The following RABGAP1 variants were observed in gnomAD, a reference collection of about 807,000 sequenced individuals.
RABGAP1 encodes RAB GTPase activating protein 1.
RABGAP1 carries 23 observed loss-of-function variants against 137.6 expected under a neutral mutation model. The observed-to-expected ratio is 0.17, with a 90% CI of 0.12 to 0.24. RABGAP1 has a LOEUF of 0.24. RABGAP1 is among the 10% of genes least tolerant of loss of function. The pLI is 1.00. For synonymous variants in RABGAP1, 451 were observed against 450.7 expected (o/e 1.00, Z -0.01); for missense variants, 906 against 1,275.8 (o/e 0.71, Z 4.42).
At chr9:122,935,430 C>T in the RABGAP1 span, among the ~76,000 whole-genome samples, 84 of 152,116 alleles carry the variant, frequency 5.5e-4, no homozygotes, top group African/African-American at 1.7e-3. Context: ...CTCTGCCTCC[C>T]GGGTTCAATT....
At chr9:123,080,381 G>A (rs1298787457) in intron 19 of RABGAP1, among the ~76,000 whole-genome samples, 4 of 152,120 alleles carry the variant, frequency 2.6e-5, no homozygotes, top group Admixed American at 6.5e-5. Flanking sequence ...TCTTGAAATC[G>A]GCTCATAGCC....
intron 2 of RABGAP1, among the ~76,000 whole-genome samples, chr9:122,982,071 T>C (rs1415858178): frequency 6.6e-6 from 1 of 151,574 alleles, no homozygotes; most frequent in Non-Finnish European, 1.5e-5. Flanking sequence ...AAAAAGTATG[T>C]GTACTATACT....
At chr9:123,098,024 A>C (rs1470943153) in intron 22 of RABGAP1, among the ~76,000 whole-genome samples, 179 bp downstream of exon 22, 1 of 152,074 alleles carries the variant, frequency 6.6e-6, no homozygotes, top group Non-Finnish European at 1.5e-5. Flanking sequence ...GTCTAGGAGG[A>C]GACAGTGGGT....
intron 2 of RABGAP1, among the ~76,000 whole-genome samples, chr9:122,977,961 G>T (rs1404819518): frequency 6.6e-6 from 1 of 152,178 alleles, no homozygotes; most frequent in African/African-American, 2.4e-5. Flanking sequence ...AGGAACAGTT[G>T]TGTTCTCAAA....
chr9:123,016,227 A>G (rs749139066), intron 12 of RABGAP1, among the ~76,000 whole-genome samples: 1 of 152,152 alleles, frequency 6.6e-6, no homozygotes, highest in East Asian at 1.9e-4. Flanking sequence ...TGCCTTCAGG[A>G]TGGGTGTAGT....
rs1258539611 is a variant in RABGAP1 at position 122,986,195 on chromosome 9, T to G, written c.386-20T>G. 7.5e-6 allele frequency: 12 copies of G among 1,602,218 alleles called. No homozygotes were observed. Among genetic ancestry groups the G allele is most frequent in the Non-Finnish European group, 1.0e-5 (12 of 1,170,230 alleles). ...TATCAAAGTGAAAGTAATCACTTCC[T>G]TATTCATTGTTTCTTTCAGATTCTG... On this transcript the variant is annotated intron_variant, in intron 3 of 25. Transcript: ENST00000373647.
At chr9:123,059,547 T>G (rs540028851) in intron 13 of RABGAP1, among the ~76,000 whole-genome samples, 2 of 151,962 alleles carry the variant, frequency 1.3e-5, no homozygotes, top group Admixed American at 1.3e-4. Context: ...AGAGCGATAC[T>G]CCGTCTCAAA....
intron 13 of RABGAP1, among the ~76,000 whole-genome samples, chr9:123,025,415 C>T (rs1020634541): frequency 4.6e-5 from 7 of 152,250 alleles, no homozygotes; most frequent in Middle Eastern, 3.4e-3. Context: ...ATCTCACTAC[C>T]ACCATCACCC....
intron 2 of RABGAP1, among the ~76,000 whole-genome samples, chr9:122,978,381 C>A (rs1835874996): frequency 6.6e-6 from 1 of 152,128 alleles, no homozygotes. Flanking sequence ...AGTAGTATTC[C>A]ATTTTATAGA....
At position 123,035,326 on chromosome 9, in the gene RABGAP1, C is replaced by T. The variant is rs187451558; in HGVS notation, c.1794+14867C>T. The T allele has an allele frequency of 4.8e-5, 78 of 1,614,154 alleles. No homozygotes were observed. The East Asian group carries it at 1.2e-3, about 24-fold the overall frequency. ...TCCTGATAAGCGCTATGCCATGGTC[C>T]TGTTTCGAATCACTAGTGTATTTTA... On this transcript the variant is annotated intron_variant, in intron 13 of 25. Coordinates refer to ENST00000373647, the MANE Select transcript of RABGAP1 (RefSeq NM_012197.4).
In RABGAP1 at chr9:123,035,639, CGTGTGTGTGTGTGTGTGT is replaced by C. The variant is rs5900552; in HGVS notation, c.1794+15207_1794+15224del. On this transcript the variant is annotated intron_variant, in intron 13 of 25. Transcript: ENST00000373647. The stretch of plus-strand genomic sequence containing the variant: ...TGAAGTGGCTCAGTTACGGGGTTCC[CGTGTGTGTGTGTGTGTGT>C]GTGTGTGTGTGTGTGTGTGTGTGTG... 1,911 of 733,272 alleles carry C rather than the reference CGTGTGTGTGTGTGTGTGT, an allele frequency of 2.6e-3. 12 individuals carry two copies. Among genetic ancestry groups the C allele is most frequent in the African/African-American group, 0.013 (738 of 56,958 alleles). The allele number at this position is 733,272 out of a possible 1,614,324, so 45.4% of individuals were successfully genotyped here. A position where few individuals can be genotyped will look rare whatever the true frequency, so the allele number is the denominator to read the frequency against.
chr9:123,037,748 G>C (rs1372532178), intron 13 of RABGAP1, among the ~76,000 whole-genome samples: 1 of 152,104 alleles, frequency 6.6e-6, no homozygotes, highest in Non-Finnish European at 1.5e-5. Flanking sequence ...TGTTGGGAGA[G>C]AGGAGATGCT....
At chr9:122,947,299 A>G (rs188746405) in intron 1 of RABGAP1, among the ~76,000 whole-genome samples, 1 of 152,312 alleles carries the variant, frequency 6.6e-6, no homozygotes, top group East Asian at 1.9e-4. Context: ...TCAATTTCTT[A>G]GAGATGGAAA....
At chr9:122,952,212 TC>T (rs564959393) in intron 1 of RABGAP1, among the ~76,000 whole-genome samples, 265 of 152,290 alleles carry the variant, frequency 1.7e-3, no homozygotes, top group African/African-American at 5.6e-3. Context: ...ATGCCTGTAA[TC>T]CCAGCACTTT....
chr9:123,103,588 C>CATATACATAT lies in RABGAP1; in HGVS notation c.*380_*381insCATATATATA, dbSNP rs2035406391. 1 of 44,966 alleles carries CATATACATAT rather than the reference C, an allele frequency of 2.2e-5. No individual in the cohort carries two copies. Among genetic ancestry groups the CATATACATAT allele is most frequent in the African/African-American group, 6.2e-5 (1 of 16,150 alleles). The allele number at this position is 44,966 out of a possible 1,614,324, so 2.8% of individuals were successfully genotyped here. ...TTCTAAACCTTTTTTTTTTAATATA[C>CATATACATAT]ATATATATATATATATATATATATA... On this transcript the variant is annotated 3_prime_UTR_variant, in exon 26 of 26. Coordinates refer to ENST00000373647, the MANE Select transcript of RABGAP1 (RefSeq NM_012197.4).
At chr9:123,077,169 T>TG (rs2034540200) in intron 19 of RABGAP1, among the ~76,000 whole-genome samples, 1 of 150,778 alleles carries the variant, frequency 6.6e-6, no homozygotes, top group African/African-American at 2.4e-5. Context: ...TTTTTGTTTT[T>TG]TTTTTTTTCT....
chr9:122,981,311 C>T (rs1836042392), intron 2 of RABGAP1, among the ~76,000 whole-genome samples: 2 of 152,088 alleles, frequency 1.3e-5, no homozygotes, highest in South Asian at 4.1e-4. Flanking sequence ...TAGGTTTGAG[C>T]CACTGCACCC....
intron 1 of RABGAP1, among the ~76,000 whole-genome samples, chr9:122,949,091 T>C (rs903290858): frequency 6.6e-6 from 1 of 152,158 alleles, no homozygotes; most frequent in Non-Finnish European, 1.5e-5. Flanking sequence ...AAAAGAAGCG[T>C]TGGGCTAGGT....
chr9:123,052,228 A>G (rs1386273108), intron 13 of RABGAP1, among the ~76,000 whole-genome samples: 1 of 152,206 alleles, frequency 6.6e-6, no homozygotes, highest in Non-Finnish European at 1.5e-5. Flanking sequence ...AAGCCAGACC[A>G]GCTGGGTTCC....
Sources: gnomAD v4.1 joint callset for allele counts (sites outside exome capture counted in the v4.1 genomes callset) on GRCh38, gnomAD v4.1.1 for gene constraint, MANE v1.5 for transcripts, NCBI Gene and HGNC (gene_info 2026-07-23, HGNC 2026-07-21) for gene names.